The following RBFOX1 variants were observed in gnomAD, a reference collection of about 807,000 sequenced individuals.
RBFOX1 encodes the protein RNA binding protein fox-1 homolog 1.
Under a neutral mutation model 57.7 loss-of-function variants are expected in RBFOX1, and 8 were observed. The ratio of observed to expected loss-of-function variants is 0.14; its 90% CI spans 0.08 to 0.25. The LOEUF (loss-of-function observed/expected upper bound fraction) is 0.25. RBFOX1 is among the 10% of genes least tolerant of loss of function. The probability of loss-of-function intolerance (pLI) is 1.00; values close to 1 mark genes in which losing one functional copy is unlikely to be tolerated. For missense variants in RBFOX1, 611 were observed against 548.5 expected (o/e 1.11, Z -1.14); for synonymous variants, 326 against 222.4 (o/e 1.47, Z -4.15).
chr16:6,797,427 T>A (rs1418546038), intron 3 of RBFOX1, among the ~76,000 whole-genome samples: 1 of 152,138 alleles, frequency 6.6e-6, no homozygotes, highest in Non-Finnish European at 1.5e-5. Flanking sequence ...ATAGAGTTGC[T>A]TTGTTGCGCA....
chr16:7,490,828 C>T (rs2066736007), intron 4 of RBFOX1, among the ~76,000 whole-genome samples: 1 of 152,136 alleles, frequency 6.6e-6, no homozygotes, highest in African/African-American at 2.4e-5. Flanking sequence ...TCCCATCTTA[C>T]CCAGAAACAG....
At chr16:6,552,702 T>A (rs547846688) in intron 2 of RBFOX1, among the ~76,000 whole-genome samples, 26 of 152,236 alleles carry the variant, frequency 1.7e-4, no homozygotes, top group African/African-American at 4.8e-4. Context: ...AATGGGTAAT[T>A]ATGTGATATA....
At chr16:7,664,160 AC>A (rs1734639472) in intron 12 of RBFOX1, among the ~76,000 whole-genome samples, 1 of 152,268 alleles carries the variant, frequency 6.6e-6, no homozygotes, top group African/African-American at 2.4e-5. Context: ...AAATAAGTAT[AC>A]ACATGCATAT....
intron 4 of RBFOX1, among the ~76,000 whole-genome samples, chr16:7,414,558 T>A (rs1475254348): frequency 6.6e-6 from 1 of 152,226 alleles, no homozygotes; most frequent in African/African-American, 2.4e-5. Context: ...AGTAGGAACT[T>A]GTTGAAGGTC....
At chr16:5,497,187 G>T (rs1288141556) in intron 2 of RBFOX1, among the ~76,000 whole-genome samples, 1 of 152,052 alleles carries the variant, frequency 6.6e-6, no homozygotes, top group African/African-American at 2.4e-5. Context: ...CTTTCACCGG[G>T]GTTGGTGAAT....
chr16:6,836,254 G>A (rs1292889094), intron 3 of RBFOX1, among the ~76,000 whole-genome samples: 1 of 152,088 alleles, frequency 6.6e-6, no homozygotes, highest in Non-Finnish European at 1.5e-5. Flanking sequence ...CTTCCCATCT[G>A]GCTTCTTAAA....
chr16:5,637,814 G>C (rs1567330561), intron 3 of RBFOX1, among the ~76,000 whole-genome samples: 3 of 152,014 alleles, frequency 2.0e-5, no homozygotes, highest in African/African-American at 4.8e-5. Context: ...GAGGAGGGAG[G>C]GCCACAGGGC....
intron 1 of RBFOX1, among the ~76,000 whole-genome samples, chr16:5,251,455 G>A (rs1464536892): frequency 6.6e-6 from 1 of 152,224 alleles, no homozygotes; most frequent in Non-Finnish European, 1.5e-5. Context: ...CGGGGGCATT[G>A]TCTTAGTGCC....
chr16:7,578,953 ACAAT>A (rs1567928729), intron 5 of RBFOX1, among the ~76,000 whole-genome samples: 1 of 152,194 alleles, frequency 6.6e-6, no homozygotes, highest in Non-Finnish European at 1.5e-5. Context: ...GGGAGGTGAA[ACAAT>A]CAGTTATGCT....
At chr16:5,411,170 C>G (rs1243960630) in intron 1 of RBFOX1, among the ~76,000 whole-genome samples, 1 of 152,194 alleles carries the variant, frequency 6.6e-6, no homozygotes, top group Non-Finnish European at 1.5e-5. Flanking sequence ...AAAAGGACCT[C>G]AAAGATATCA....
intron 2 of RBFOX1, among the ~76,000 whole-genome samples, chr16:5,488,079 G>C (rs1201106242): frequency 2.0e-5 from 3 of 151,610 alleles, no homozygotes; most frequent in Non-Finnish European, 2.9e-5. Context: ...GATGATAATG[G>C]AGGATTATGG....
intron 2 of RBFOX1, among the ~76,000 whole-genome samples, chr16:6,595,101 A>C (rs983587964): frequency 1.3e-4 from 20 of 152,072 alleles, no homozygotes; most frequent in African/African-American, 4.8e-4. Context: ...GTGGTTTTTA[A>C]TGTATTCACA....
Position 6,653,146 on chromosome 16 carries a change from C to A in RBFOX1, c.-63-1457C>A, listed in dbSNP as rs151121026. On this transcript the variant is annotated intron_variant, in intron 2 of 15. Transcript: ENST00000550418. Reference sequence around the variant, plus strand: ...CCCAGTGGGCTACTTGGCTCATCCCCCTAACTTCCTTCAAGCCTTTTCTCA... The same window carrying A: ...CCCAGTGGGCTACTTGGCTCATCCCACTAACTTCCTTCAAGCCTTTTCTCA... 2.6e-3 allele frequency among the ~76,000 whole-genome samples: 391 copies of A among 152,232 alleles called. 2 individuals are homozygous for A. The highest frequency in any genetic ancestry group is 8.5e-3 in the African/African-American group (355 of 41,522).
At chr16:6,968,583 G>T (rs916872964) in intron 3 of RBFOX1, among the ~76,000 whole-genome samples, 5 of 152,076 alleles carry the variant, frequency 3.3e-5, no homozygotes, top group African/African-American at 9.7e-5. Context: ...TGATGTGAAG[G>T]TGTAGATGAT....
chr16:5,334,037 G>C (rs2064834787), intron 1 of RBFOX1, among the ~76,000 whole-genome samples: 1 of 152,186 alleles, frequency 6.6e-6, no homozygotes, highest in African/African-American at 2.4e-5. Context: ...ATAAACCTGA[G>C]AGGTGCTTCT....
intron 4 of RBFOX1, among the ~76,000 whole-genome samples, chr16:5,882,827 G>T (rs2057796561): frequency 6.6e-6 from 1 of 152,184 alleles, no homozygotes; most frequent in Non-Finnish European, 1.5e-5. Flanking sequence ...TTTGGACTCT[G>T]GGTATATTTT....
intron 4 of RBFOX1, among the ~76,000 whole-genome samples, chr16:6,012,276 GTA>G (rs1175608920): frequency 1.3e-5 from 2 of 152,308 alleles, no homozygotes; most frequent in East Asian, 3.9e-4. Context: ...CTGAATGGAG[GTA>G]TAGACCTAGT....
chr16:6,990,461 T>C (rs2091240282), intron 3 of RBFOX1, among the ~76,000 whole-genome samples: 1 of 151,670 alleles, frequency 6.6e-6, no homozygotes, highest in Non-Finnish European at 1.5e-5. Context: ...GGAGTTGGAG[T>C]TTGCAGTGAG....
At chr16:5,625,061 A>C (rs2048309134) in intron 3 of RBFOX1, among the ~76,000 whole-genome samples, 1 of 152,202 alleles carries the variant, frequency 6.6e-6, no homozygotes, top group South Asian at 2.1e-4. Context: ...TCTATTTAAA[A>C]TGGGATTCAG....
Sources: allele counts gnomAD v4.1 joint callset (sites outside exome capture counted in the v4.1 genomes callset), GRCh38; gene constraint gnomAD v4.1.1; transcripts MANE v1.5; gene names NCBI Gene and HGNC (gene_info 2026-07-23, HGNC 2026-07-21).